Variants in ATXN3 observed in about 807,000 individuals in gnomAD.
ATXN3 encodes the protein ataxin-3.
In ATXN3, 28 loss-of-function variants were observed where a neutral mutation model predicts 58.2. The observed-to-expected ratio is 0.48, with a 90% CI of 0.36 to 0.66. ATXN3 has a LOEUF of 0.66. ATXN3 is among the 30% of genes least tolerant of loss of function. The probability of loss-of-function intolerance (pLI) is 0.00; values close to 1 mark genes in which losing one functional copy is unlikely to be tolerated. For synonymous variants in ATXN3, 113 were observed against 138.5 expected (o/e 0.82, Z 1.29); for missense variants, 321 against 422.1 (o/e 0.76, Z 2.10).
intron 9 of ATXN3, among the ~76,000 whole-genome samples, chr14:92,073,702 G>A (rs967094064): frequency 9.2e-5 from 14 of 152,088 alleles, no homozygotes; most frequent in Non-Finnish European, 1.3e-4. Context: ...AGCCAGGTGT[G>A]TTGGCGCACA....
At chr14:92,089,395 G>C (rs917555535) in intron 5 of ATXN3, among the ~76,000 whole-genome samples, 1 of 143,274 alleles carries the variant, frequency 7.0e-6, no homozygotes, top group African/African-American at 2.6e-5. Context: ...CTGGAGTGCA[G>C]TGGCGCGATC....
chr14:92,091,987 C>T (rs1277366756), intron 5 of ATXN3, among the ~76,000 whole-genome samples: 1 of 152,106 alleles, frequency 6.6e-6, no homozygotes, highest in Non-Finnish European at 1.5e-5. Context: ...TGAGCCACTG[C>T]ATCTGGCCTC....
chr14:92,096,231 T>C (rs144948983), intron 2 of ATXN3, 94 bp from the exon 3 acceptor site: 502 of 1,609,588 alleles, frequency 3.1e-4, no homozygotes, highest in Admixed American at 6.0e-4. Flanking sequence ...CAATATCTTG[T>C]GCATTCCCAT....
rs188739788 is a variant in ATXN3, at chr14:92,061,441, A to G, written c.*2879T>C. 6 of 152,356 alleles carry G rather than the reference A, an allele frequency of 3.9e-5. No homozygotes were observed. The highest frequency in any genetic ancestry group is 8.8e-5 in the Non-Finnish European group (6 of 68,034). 9.4% of individuals were successfully genotyped at this position (152,356 alleles called of 1,614,324 possible). On this transcript the variant is annotated 3_prime_UTR_variant, in exon 11 of 11. Coordinates refer to ENST00000644486, the MANE Select transcript of ATXN3 (RefSeq NM_004993.6). ...TAACTATTCTGAATTTTAAAAACAT[A>G]AATTACTCATTAAATCCATGACATC...
At chr14:92,073,139 G>A (rs1215526075) in intron 9 of ATXN3, among the ~76,000 whole-genome samples, 1 of 152,196 alleles carries the variant, frequency 6.6e-6, no homozygotes, top group African/African-American at 2.4e-5. Context: ...AGAATGCAAG[G>A]GAGTGACAGG....
At chr14:92,074,445 G>A (rs377666680) in intron 9 of ATXN3, among the ~76,000 whole-genome samples, 2 of 152,238 alleles carry the variant, frequency 1.3e-5, no homozygotes, top group African/African-American at 4.8e-5. Context: ...CTTCACTGCT[G>A]TTGCAATGGG....
intron 10 of ATXN3, among the ~76,000 whole-genome samples, chr14:92,066,612 T>G (rs1201627288): frequency 6.9e-6 from 1 of 144,368 alleles, no homozygotes; most frequent in Non-Finnish European, 1.5e-5. Flanking sequence ...TTTTTTTTTT[T>G]TTTTTTTTTT....
intron 9 of ATXN3, among the ~76,000 whole-genome samples, chr14:92,075,195 G>GCTCTTGTC (rs2060149690): frequency 8.9e-6 from 1 of 112,570 alleles, no homozygotes; most frequent in Non-Finnish European, 1.7e-5. Flanking sequence ...ATGGAGTCTT[G>GCTCTTGTC]CTCTTGTCGC....
intron 6 of ATXN3, among the ~76,000 whole-genome samples, chr14:92,088,228 C>T (rs555688232): frequency 1.9e-3 from 296 of 152,210 alleles, no homozygotes; most frequent in Middle Eastern, 3.4e-3. Flanking sequence ...GCCACCACAC[C>T]CCGGCTAATT....
Position 92,064,406 on chromosome 14 carries a change from T to C in ATXN3, c.1000A>G (p.Met334Val), listed in dbSNP as rs542401270. 2.3e-4 allele frequency: 377 copies of C among 1,609,156 alleles called. 2 individuals are homozygous for C. The South Asian group carries it at 3.8e-3, about 16-fold the overall frequency. Residue 334 changes from methionine to valine, a missense_variant, in exon 11 of 11, where the codon ATG becomes GTG. Met to Val is a conservative substitution (Grantham distance 21). This residue lies in a region of ATXN3 where 200 missense variants were observed against 223.2 expected (regional missense o/e 0.90). Transcript: ENST00000644486. ...GALGSDLGDA[M>V]SEEDMLQAAV... is the part of the protein sequence containing the mutation. ...GCCTGAAGCATGTCTTCTTCACTCA[T>C]AGCATCACCTGTTGGGAAACAAAAC...
intron 1 of ATXN3, among the ~76,000 whole-genome samples, chr14:92,105,275 C>T (rs946911940): frequency 1.3e-5 from 2 of 152,046 alleles, no homozygotes; most frequent in Non-Finnish European, 2.9e-5. Flanking sequence ...CATTACCTGG[C>T]CCTGGCGATA....
chr14:92,057,969 C>G (rs894031665), downstream of ATXN3, among the ~76,000 whole-genome samples: 1 of 151,996 alleles, frequency 6.6e-6, no homozygotes, highest in Non-Finnish European at 1.5e-5. Context: ...CTCGGCCTCT[C>G]AAAGTGCTAG....
chr14:92,089,298 C>T (rs2063247338), intron 5 of ATXN3, among the ~76,000 whole-genome samples: 1 of 139,790 alleles, frequency 7.2e-6, no homozygotes, highest in African/African-American at 2.8e-5. Flanking sequence ...GGATTACAAA[C>T]ATGAGCCACT....
At chr14:92,104,007 C>T (rs2067506140) in intron 1 of ATXN3, among the ~76,000 whole-genome samples, 1 of 152,180 alleles carries the variant, frequency 6.6e-6, no homozygotes, top group Non-Finnish European at 1.5e-5. Context: ...TAGGTGCGTA[C>T]TCTTGAGGAC....
At chr14:92,078,666 GATTT>G (rs2060882187) in intron 9 of ATXN3, among the ~76,000 whole-genome samples, 1 of 151,928 alleles carries the variant, frequency 6.6e-6, no homozygotes, top group Non-Finnish European at 1.5e-5. Flanking sequence ...CCTGGCCTTA[GATTT>G]ATTTTTTACA....
intron 5 of ATXN3, among the ~76,000 whole-genome samples, chr14:92,092,117 C>T (rs541053091): frequency 6.6e-6 from 1 of 152,268 alleles, no homozygotes; most frequent in Admixed American, 6.5e-5. Flanking sequence ...CCTCTCACTC[C>T]TCCATAGCCT....
In ATXN3 at chr14:92,061,381, T is replaced by TA. The variant is rs1229022541; in HGVS notation, c.*2938dup. ...TACTGAAATATTTACATGATTACCG[T>TA]AAAAAACATAGATTGATGGTTTTAG... is the stretch of plus-strand genomic sequence containing the variant. On this transcript the variant is annotated 3_prime_UTR_variant, in exon 11 of 11. Coordinates refer to ENST00000644486, the MANE Select transcript of ATXN3 (RefSeq NM_004993.6). 1.3e-5 allele frequency: 2 copies of TA among 152,290 alleles called. No homozygotes were observed. Among genetic ancestry groups the TA allele is most frequent in the South Asian group, 2.1e-4 (1 of 4,826 alleles). The allele number at this position is 152,290 out of a possible 1,614,324, so 9.4% of individuals were successfully genotyped here. A position where few individuals can be genotyped will look rare whatever the true frequency, so the allele number is the denominator to read the frequency against.
intron 1 of ATXN3, among the ~76,000 whole-genome samples, chr14:92,102,053 T>C (rs543886934): frequency 2.0e-5 from 3 of 151,782 alleles, no homozygotes; most frequent in Non-Finnish European, 2.9e-5. Context: ...CTCGGGAGGC[T>C]GAGGCAGGAG....
In ATXN3 at chr14:92,064,160, T is replaced by C; in HGVS notation, c.*160A>G. ...TATTTGGAAGATCATTATTTAGTCC[T>C]ACAACCGACGCATTGTTCCACTTTC... On this transcript the variant is annotated 3_prime_UTR_variant, in exon 11 of 11. Transcript: ENST00000644486. 3.9e-6 allele frequency: 2 copies of C among 508,888 alleles called. No homozygotes were observed. The highest frequency in any genetic ancestry group is 7.1e-6 in the Non-Finnish European group (2 of 283,204). 31.5% of individuals were successfully genotyped at this position (508,888 alleles called of 1,614,324 possible).
Sources: allele counts gnomAD v4.1 joint callset (sites outside exome capture counted in the v4.1 genomes callset), GRCh38; gene constraint gnomAD v4.1.1; regional missense constraint gnomAD v4.1.1; transcripts MANE v1.5; gene names NCBI Gene and HGNC (gene_info 2026-07-23, HGNC 2026-07-21).